XRCC4: variants seen among roughly 807,000 people sequenced by gnomAD.
The protein encoded by XRCC4 is DNA repair protein XRCC4.
XRCC4 carries 28 observed loss-of-function variants against 39.1 expected under a neutral mutation model. The ratio of observed to expected loss-of-function variants is 0.72; its 90% CI spans 0.53 to 0.98. The LOEUF is 0.98. XRCC4 is among the 50% of genes least tolerant of loss of function. The pLI is 0.00. For missense variants in XRCC4, 350 were observed against 376.4 expected, an observed-to-expected ratio of 0.93 and a Z score of 0.58; for synonymous variants, 123 against 126.4, an observed-to-expected ratio of 0.97 and a Z score of 0.18.
intron 7 of XRCC4, among the ~76,000 whole-genome samples, chr5:83,323,306 A>T (rs1450365074): frequency 6.6e-6 from 1 of 152,174 alleles, no homozygotes; most frequent in Non-Finnish European, 1.5e-5. Context: ...TTATCAAAAA[A>T]AAGTATATGG....
chr5:83,258,563 G>T lies in XRCC4; in HGVS notation c.779G>T (p.Ser260Ile), dbSNP rs374377372. 4.4e-5 allele frequency: 71 copies of T among 1,608,432 alleles called. No homozygotes were observed. Among genetic ancestry groups the T allele is most frequent in the Non-Finnish European group, 5.6e-5 (66 of 1,178,490 alleles). The change falls in exon 7 of 8, where the codon AGT (serine) becomes ATT (isoleucine). Residue 260 changes from serine (S) to isoleucine (I), a missense_variant. Coordinates refer to ENST00000396027, the MANE Select transcript of XRCC4 (RefSeq NM_003401.5). The stretch of plus-strand genomic sequence containing the variant: ...AGTAAAGATGATTCCATTATTTCAA[G>T]TCTTGATGTCACTGATATTGCACCA... ...AVSKDDSIIS[S>I]LDVTDIAPSR...
chr5:83,314,047 ATT>A (rs1423108022), intron 7 of XRCC4, among the ~76,000 whole-genome samples: 1 of 152,044 alleles, frequency 6.6e-6, no homozygotes, highest in Non-Finnish European at 1.5e-5. Flanking sequence ...TTTTATTATT[ATT>A]TAATCTCATT....
intron 3 of XRCC4, among the ~76,000 whole-genome samples, chr5:83,145,020 C>T (rs532231609): frequency 3.9e-5 from 6 of 152,110 alleles, no homozygotes; most frequent in Non-Finnish European, 5.9e-5. Flanking sequence ...CTCAGCCTCC[C>T]GAGTAGCTGG....
intron 7 of XRCC4, among the ~76,000 whole-genome samples, chr5:83,299,999 C>T (rs1458766767): frequency 6.6e-6 from 1 of 152,102 alleles, no homozygotes. Context: ...TTCTTTGAGG[C>T]TTAGTATGAA....
intron 3 of XRCC4, among the ~76,000 whole-genome samples, chr5:83,119,298 T>A (rs1168324538): frequency 6.6e-6 from 1 of 152,188 alleles, no homozygotes; most frequent in Non-Finnish European, 1.5e-5. Context: ...GGGTTGCAGA[T>A]GTGTTGTTTG....
the XRCC4 span, among the ~76,000 whole-genome samples, chr5:83,368,520 C>A: frequency 6.6e-6 from 1 of 152,132 alleles, no homozygotes; most frequent in African/African-American, 2.4e-5. Context: ...GGTAACAGAA[C>A]AACTGCTTTT....
chr5:83,234,749 G>A (rs963284630), intron 6 of XRCC4, among the ~76,000 whole-genome samples: 2 of 151,980 alleles, frequency 1.3e-5, no homozygotes, highest in Admixed American at 6.6e-5. Flanking sequence ...GGATTGAGGG[G>A]ACTATACTAT....
At chr5:83,151,377 G>A (rs927939494) in intron 3 of XRCC4, among the ~76,000 whole-genome samples, 4 of 152,092 alleles carry the variant, frequency 2.6e-5, no homozygotes, top group African/African-American at 9.7e-5. Context: ...ATGTACTGCT[G>A]AAAAGTGCCA....
At chr5:83,233,467 G>A (rs1366741355) in intron 6 of XRCC4, among the ~76,000 whole-genome samples, 1 of 152,052 alleles carries the variant, frequency 6.6e-6, no homozygotes. Flanking sequence ...TTTAATATAT[G>A]TTGATCGTTT....
At chr5:83,151,018 A>G (rs1748678287) in intron 3 of XRCC4, among the ~76,000 whole-genome samples, 1 of 152,056 alleles carries the variant, frequency 6.6e-6, no homozygotes, top group South Asian at 2.1e-4. Context: ...TTTCAGGTGC[A>G]AGTTTAAAAT....
intron 3 of XRCC4, among the ~76,000 whole-genome samples, chr5:83,142,209 T>G (rs1439991689): frequency 6.6e-6 from 1 of 152,198 alleles, no homozygotes; most frequent in Non-Finnish European, 1.5e-5. Flanking sequence ...GGATGGCCAC[T>G]GTGTGCTGTA....
At chr5:83,114,232 G>A (rs949420139) in intron 3 of XRCC4, among the ~76,000 whole-genome samples, 3 of 152,158 alleles carry the variant, frequency 2.0e-5, no homozygotes, top group Non-Finnish European at 4.4e-5. Context: ...TCTCTGACAT[G>A]CCTCGGAGAC....
intron 7 of XRCC4, among the ~76,000 whole-genome samples, chr5:83,334,125 T>A (rs1756521517): frequency 1.3e-5 from 2 of 152,184 alleles, no homozygotes; most frequent in Admixed American, 6.6e-5. Flanking sequence ...GTGATAGTTG[T>A]TTCCATTAAT....
chr5:83,146,670 C>T (rs140343418), intron 3 of XRCC4, among the ~76,000 whole-genome samples: 10 of 152,240 alleles, frequency 6.6e-5, no homozygotes, highest in African/African-American at 2.4e-4. Flanking sequence ...AAATAGAAGA[C>T]GTTCAGCAAA....
chr5:83,283,397 C>T lies in XRCC4; in HGVS notation c.893+24720C>T, dbSNP rs146900398. Among the ~76,000 whole-genome samples the T allele has an allele frequency of 2.4e-4, 36 of 152,244 alleles. No individual in the cohort carries two copies. In the East Asian group the frequency reaches 6.8e-3, roughly 29 times the overall value. On this transcript the variant is annotated intron_variant, in intron 7 of 7. Coordinates refer to ENST00000396027, the MANE Select transcript of XRCC4 (RefSeq NM_003401.5). The stretch of plus-strand genomic sequence containing the variant: ...TTCTCATTTCTTCCATTTATGTCTA[C>T]CTAGTTGGAGCATTCATCATTGTGT...
In XRCC4 at chr5:83,212,717, C is replaced by G. The variant is rs147219063; in HGVS notation, c.745+7796C>G. Among the ~76,000 whole-genome samples, 978 of 151,656 alleles carry G rather than the reference C, an allele frequency of 6.4e-3. 10 individuals are homozygous for G. The highest frequency in any genetic ancestry group is 0.021 in the African/African-American group (877 of 41,360). On this transcript the variant is annotated intron_variant, in intron 6 of 7. Coordinates refer to ENST00000396027, the MANE Select transcript of XRCC4 (RefSeq NM_003401.5). ...CTGAGGCAGGCAGAACACCCGAGGTCAGGAGTTCGAGACTGACCTGGCCAA... is the reference window on the plus strand; with the variant it reads ...CTGAGGCAGGCAGAACACCCGAGGTGAGGAGTTCGAGACTGACCTGGCCAA...
intron 6 of XRCC4, among the ~76,000 whole-genome samples, chr5:83,232,100 T>TA (rs1752517245): frequency 6.6e-6 from 1 of 152,078 alleles, no homozygotes; most frequent in South Asian, 2.1e-4. Flanking sequence ...CATGAAACCA[T>TA]ATCCTGCAAT....
chr5:83,174,987 A>G (rs926065562), intron 3 of XRCC4, among the ~76,000 whole-genome samples: 3 of 152,226 alleles, frequency 2.0e-5, no homozygotes, highest in South Asian at 4.1e-4. Flanking sequence ...TAATCGTTCT[A>G]TAATGTAGAC....
At chr5:83,204,347 C>A (rs1381748554) in intron 5 of XRCC4, among the ~76,000 whole-genome samples, 1 of 152,062 alleles carries the variant, frequency 6.6e-6, no homozygotes, top group Non-Finnish European at 1.5e-5. Context: ...ATCAGCTAGT[C>A]CTAGCACAGG....
Sources: gnomAD v4.1 joint callset for allele counts (sites outside exome capture counted in the v4.1 genomes callset) on GRCh38, gnomAD v4.1.1 for gene constraint, MANE v1.5 for transcripts, NCBI Gene and HGNC (gene_info 2026-07-23, HGNC 2026-07-21) for gene names.